The following CASR variants were observed in gnomAD, a reference collection of about 807,000 sequenced individuals.
The protein encoded by CASR is calcium sensing receptor.
In CASR, 23 loss-of-function variants were observed where a neutral mutation model predicts 69.1. That is an observed-to-expected ratio of 0.33 (90% CI 0.24 to 0.47). The LOEUF (loss-of-function observed/expected upper bound fraction) is 0.47. CASR is among the 20% of genes least tolerant of loss of function. The pLI, the probability that CASR is intolerant of heterozygous loss-of-function variation, is 1.00. For synonymous variants in CASR, 541 were observed against 544.7 expected, an observed-to-expected ratio of 0.99 and a Z score of 0.10; for missense variants, 924 against 1,356.1, an observed-to-expected ratio of 0.68 and a Z score of 5.00.
At position 122,283,766 on chromosome 3, in the gene CASR, GT is replaced by G; in HGVS notation, c.1815del (p.Leu606CysfsTer21). 1 of 1,614,162 alleles carries G rather than the reference GT, an allele frequency of 6.2e-7. No individual in the cohort carries two copies. Among genetic ancestry groups the G allele is most frequent in the Non-Finnish European group, 8.5e-7 (1 of 1,180,018 alleles). On this transcript the variant is annotated frameshift_variant, in exon 7 of 7. Coordinates refer to ENST00000639785, the MANE Select transcript of CASR (RefSeq NM_000388.4). LOFTEE classifies it high-confidence loss of function. ...HTSCIAKEIE[F>X]LSWTEPFGIA... Reference sequence around the variant, plus strand: ...CCTCCTGCATTGCCAAGGAGATCGAGTTTCTGTCGTGGACGGAGCCCTTTGG... The same window carrying G: ...CCTCCTGCATTGCCAAGGAGATCGAGTTCTGTCGTGGACGGAGCCCTTTGG...
chr3:122,215,643 A>G (rs1407764697), intron 1 of CASR, among the ~76,000 whole-genome samples: 1 of 152,210 alleles, frequency 6.6e-6, no homozygotes, highest in Non-Finnish European at 1.5e-5. Flanking sequence ...TTGGAATATC[A>G]TCAGTTTTGT....
chr3:122,204,631 ATTT>A (rs1286061935), intron 1 of CASR, among the ~76,000 whole-genome samples: 5 of 151,968 alleles, frequency 3.3e-5, no homozygotes, highest in Non-Finnish European at 7.4e-5. Flanking sequence ...TCTATTTTTC[ATTT>A]TTTGAGGAAC....
chr3:122,236,120 C>G (rs1381317199), intron 1 of CASR, among the ~76,000 whole-genome samples: 2 of 152,218 alleles, frequency 1.3e-5, no homozygotes. Flanking sequence ...CAAGAAGTTT[C>G]TTTCTGAGGG....
At chr3:122,209,224 A>G (rs1486407472) in intron 1 of CASR, among the ~76,000 whole-genome samples, 1 of 152,086 alleles carries the variant, frequency 6.6e-6, no homozygotes, top group Non-Finnish European at 1.5e-5. Flanking sequence ...GCCCTAAAGC[A>G]GTCTCTCTGA....
chr3:122,280,163 C>T (rs1228454809), intron 5 of CASR, among the ~76,000 whole-genome samples: 1 of 152,150 alleles, frequency 6.6e-6, no homozygotes, highest in Non-Finnish European at 1.5e-5. Flanking sequence ...TTCAACATCC[C>T]TTCATGTTAA....
At chr3:122,209,427 T>TA (rs1223189608) in intron 1 of CASR, among the ~76,000 whole-genome samples, 1 of 152,218 alleles carries the variant, frequency 6.6e-6, no homozygotes. Context: ...TAATTGGACT[T>TA]ACAGTTCCAT....
At chr3:122,229,274 T>C (rs2074257195) in intron 1 of CASR, among the ~76,000 whole-genome samples, 1 of 150,422 alleles carries the variant, frequency 6.6e-6, no homozygotes, top group Non-Finnish European at 1.5e-5. Flanking sequence ...CAGGCCACTC[T>C]TCTTGTAGCA....
chr3:122,202,902 A>G (rs2073971888), intron 1 of CASR, among the ~76,000 whole-genome samples: 1 of 152,226 alleles, frequency 6.6e-6, no homozygotes. Context: ...ATACTGTTAT[A>G]GAATAGTCTG....
chr3:122,222,528 A>G (rs934202378), intron 1 of CASR, among the ~76,000 whole-genome samples: 1 of 152,222 alleles, frequency 6.6e-6, no homozygotes, highest in African/African-American at 2.4e-5. Flanking sequence ...AAAGGATTCA[A>G]TTCAACAAGA....
intron 4 of CASR, among the ~76,000 whole-genome samples, chr3:122,271,455 C>T (rs1239370996): frequency 6.6e-6 from 1 of 152,208 alleles, no homozygotes; most frequent in Non-Finnish European, 1.5e-5. Context: ...CTTGCCATGT[C>T]TCATTACTCA....
chr3:122,254,404 C>G (rs202129996), intron 2 of CASR, 30 bp downstream of exon 2: 14 of 1,603,192 alleles, frequency 8.7e-6, no homozygotes, highest in Non-Finnish European at 1.2e-5. Flanking sequence ...CTGCCAATCT[C>G]TTCTCTTCTG....
In CASR at chr3:122,262,526, T is replaced by C. The variant is rs114908278; in HGVS notation, c.1377+114T>C. On this transcript the variant is annotated intron_variant, in intron 4 of 6. Coordinates refer to ENST00000639785, the MANE Select transcript of CASR (RefSeq NM_000388.4). ...AAGGGCAATATTTAAATGAAGCCAC[T>C]AAATGGAGCTTTGGATTCAAAGTAC... The C allele has an allele frequency of 5.5e-3, 4,950 of 893,610 alleles. 30 individuals carry two copies. The highest frequency in any genetic ancestry group is 6.6e-3 in the Non-Finnish European group (3,628 of 553,358). The allele number at this position is 893,610 out of a possible 1,614,324, so 55.4% of individuals were successfully genotyped here.
intron 6 of CASR, among the ~76,000 whole-genome samples, chr3:122,282,552 C>T (rs1186810832): frequency 6.6e-6 from 1 of 152,198 alleles, no homozygotes; most frequent in Non-Finnish European, 1.5e-5. Flanking sequence ...CTCCAGACTC[C>T]AGAGTTAATA....
intron 1 of CASR, among the ~76,000 whole-genome samples, chr3:122,219,535 G>T (rs2074150443): frequency 6.6e-6 from 1 of 152,150 alleles, no homozygotes; most frequent in Non-Finnish European, 1.5e-5. Context: ...GTCACATCAG[G>T]GTCTGTAGCA....
intron 1 of CASR, among the ~76,000 whole-genome samples, chr3:122,209,855 C>T (rs752967495): frequency 7.2e-5 from 11 of 152,144 alleles, no homozygotes; most frequent in East Asian, 1.9e-4. Context: ...ACTGGCAAAC[C>T]GAAGCCAGCA....
chr3:122,253,360 G>T (rs1407259605), intron 1 of CASR, among the ~76,000 whole-genome samples: 1 of 152,196 alleles, frequency 6.6e-6, no homozygotes, highest in Admixed American at 6.5e-5. Context: ...TCCTGCCGCA[G>T]CCTCCCAAGT....
At chr3:122,258,750 G>T (rs1030656500) in intron 3 of CASR, among the ~76,000 whole-genome samples, 1 of 152,058 alleles carries the variant, frequency 6.6e-6, no homozygotes, top group Admixed American at 6.6e-5. Flanking sequence ...CTACAGTAGG[G>T]GTTCTCTGCC....
rs201965713 is a variant in CASR at position 122,254,091 on chromosome 3, G to A, written c.-99G>A. 132 of 986,608 alleles carry A rather than the reference G, an allele frequency of 1.3e-4. No homozygotes were observed. In the African/African-American group the frequency reaches 2.0e-3, roughly 15 times the overall value. 61.1% of individuals were successfully genotyped at this position (986,608 alleles called of 1,614,324 possible). On this transcript the variant is annotated 5_prime_UTR_variant, in exon 2 of 7. Coordinates refer to ENST00000639785, the MANE Select transcript of CASR (RefSeq NM_000388.4). Reference sequence around the variant, plus strand: ...TTTATTAATCAATCTGTAGACATGTGTCCCCACTGCAGGGAGTGAACTGCT... The same window carrying A: ...TTTATTAATCAATCTGTAGACATGTATCCCCACTGCAGGGAGTGAACTGCT...
intron 1 of CASR, among the ~76,000 whole-genome samples, chr3:122,207,920 G>A (rs1355286915): frequency 1.3e-5 from 2 of 152,030 alleles, no homozygotes; most frequent in Non-Finnish European, 2.9e-5. Context: ...GTGAATGATT[G>A]GTCCGTTACT....
Sources: allele counts gnomAD v4.1 joint callset (sites outside exome capture counted in the v4.1 genomes callset), GRCh38; gene constraint gnomAD v4.1.1; transcripts MANE v1.5; gene names NCBI Gene and HGNC (gene_info 2026-07-23, HGNC 2026-07-21).